SMAP1: variants seen among roughly 807,000 people sequenced by gnomAD.
SMAP1 encodes stromal membrane-associated protein 1.
SMAP1 carries 24 observed loss-of-function variants against 58.5 expected under a neutral mutation model. The observed-to-expected ratio is 0.41, with a 90% CI of 0.30 to 0.58. SMAP1 has a LOEUF of 0.58. Among genes scored for constraint, SMAP1 ranks in the 20% least tolerant of loss-of-function variants. SMAP1 has a pLI of 0.29. For missense variants in SMAP1, 563 were observed against 566.3 expected, an observed-to-expected ratio of 0.99 and a Z score of 0.06; for synonymous variants, 216 against 196.6, an observed-to-expected ratio of 1.10 and a Z score of -0.82.
intron 7 of SMAP1, among the ~76,000 whole-genome samples, chr6:70,850,876 T>A (rs1771157500): frequency 6.6e-6 from 1 of 152,086 alleles, no homozygotes; most frequent in South Asian, 2.1e-4. Flanking sequence ...GAAAACAAAG[T>A]AGCGCTTTAA....
At chr6:70,807,311 G>A (rs1769177406) in intron 6 of SMAP1, among the ~76,000 whole-genome samples, 1 of 152,130 alleles carries the variant, frequency 6.6e-6, no homozygotes, top group African/African-American at 2.4e-5. Context: ...TTTTTTCTGG[G>A]AGGAGAAAGG....
intron 4 of SMAP1, among the ~76,000 whole-genome samples, chr6:70,774,907 G>A (rs1411622260): frequency 6.6e-6 from 1 of 151,946 alleles, no homozygotes; most frequent in Non-Finnish European, 1.5e-5. Flanking sequence ...CAGCCACTTG[G>A]GAGGCTGAGG....
At chr6:70,839,796 A>G (rs937397523) in intron 7 of SMAP1, among the ~76,000 whole-genome samples, 1 of 152,214 alleles carries the variant, frequency 6.6e-6, no homozygotes, top group Non-Finnish European at 1.5e-5. Context: ...TCAATTTCCT[A>G]AACTCTTAAA....
intron 2 of SMAP1, among the ~76,000 whole-genome samples, chr6:70,744,882 G>T (rs1424780564): frequency 1.3e-5 from 2 of 152,156 alleles, no homozygotes; most frequent in South Asian, 2.1e-4. Context: ...GTGTGAGATG[G>T]TATCTCATTG....
At chr6:70,858,321 T>A in intron 10 of SMAP1, 92 bp downstream of exon 10, 1 of 1,130,462 alleles carries the variant, frequency 8.8e-7, no homozygotes, top group Non-Finnish European at 1.2e-6. Flanking sequence ...TTTTTAAGTC[T>A]AGTGATCTGG....
intron 3 of SMAP1, chr6:70,772,788 A>C (rs1170043012): frequency 1.3e-5 from 2 of 152,248 alleles, no homozygotes; most frequent in African/African-American, 4.8e-5. Context: ...GTGGAATCCT[A>C]TATGATGTGC....
intron 6 of SMAP1, among the ~76,000 whole-genome samples, chr6:70,829,867 T>G (rs1770287281): frequency 6.6e-6 from 1 of 152,176 alleles, no homozygotes; most frequent in Non-Finnish European, 1.5e-5. Context: ...GTGAATCACC[T>G]TCTAGAGGCT....
At chr6:70,835,024 C>T (rs1235084720) in intron 6 of SMAP1, among the ~76,000 whole-genome samples, 1 of 150,644 alleles carries the variant, frequency 6.6e-6, no homozygotes, top group Admixed American at 6.6e-5. Flanking sequence ...CCGAGGCTAG[C>T]GGATCATGAG....
chr6:70,696,137 C>T (rs1222885099), intron 1 of SMAP1, among the ~76,000 whole-genome samples: 2 of 151,878 alleles, frequency 1.3e-5, no homozygotes, highest in Admixed American at 1.3e-4. Context: ...TTTTTCATCT[C>T]TGATTTTATT....
At chr6:70,802,012 C>T (rs1183425512) in intron 6 of SMAP1, among the ~76,000 whole-genome samples, 3 of 152,060 alleles carry the variant, frequency 2.0e-5, no homozygotes, top group Non-Finnish European at 4.4e-5. Flanking sequence ...TTTTTTGGTT[C>T]CATATGAACT....
At chr6:70,673,601 G>T (rs1450483494) in intron 1 of SMAP1, among the ~76,000 whole-genome samples, 1 of 152,148 alleles carries the variant, frequency 6.6e-6, no homozygotes, top group Non-Finnish European at 1.5e-5. Context: ...GTTCACCTTG[G>T]GGAACTGGTG....
chr6:70,791,827 T>C, intron 5 of SMAP1, 58 bp downstream of exon 5: 1 of 1,401,200 alleles, frequency 7.1e-7, no homozygotes, highest in Non-Finnish European at 1.0e-6. Context: ...ATTAACTTCC[T>C]TTTGCAGTGT....
intron 6 of SMAP1, among the ~76,000 whole-genome samples, chr6:70,835,796 T>C (rs1236608025): frequency 6.6e-6 from 1 of 152,192 alleles, no homozygotes; most frequent in African/African-American, 2.4e-5. Context: ...TGTGAGTCAC[T>C]GCACTCAACT....
Position 70,861,842 on chromosome 6 carries a change from A to G in SMAP1, c.*1508A>G. ...GTGTAATGAATACCTTAGTGCAGTT[A>G]TTTGCTTTCGGTTCCAGTTCTTCGA... On this transcript the variant is annotated 3_prime_UTR_variant, in exon 11 of 11. Coordinates refer to ENST00000370455, the MANE Select transcript of SMAP1 (RefSeq NM_001044305.3). 1 of 1,614,036 alleles carries G rather than the reference A, an allele frequency of 6.2e-7. No homozygotes were observed.
At chr6:70,692,319 A>G (rs955936742) in intron 1 of SMAP1, among the ~76,000 whole-genome samples, 1 of 152,150 alleles carries the variant, frequency 6.6e-6, no homozygotes, top group African/African-American at 2.4e-5. Context: ...TGAGCTCATT[A>G]TATATTCTGG....
Position 70,861,178 on chromosome 6 carries a change from T to C in SMAP1, c.*844T>C, listed in dbSNP as rs183820984. On this transcript the variant is annotated 3_prime_UTR_variant, in exon 11 of 11. Coordinates refer to ENST00000370455, the MANE Select transcript of SMAP1 (RefSeq NM_001044305.3). ...ACATGACTCCATAGACCTTTTCATT[T>C]GTGGGTTTTTATTTCCTATGATGTA... 100 of 163,760 alleles carry C rather than the reference T, an allele frequency of 6.1e-4. 4 individuals carry two copies. In the East Asian group the frequency reaches 0.016, roughly 27 times the overall value. The allele number at this position is 163,760 out of a possible 1,614,324, so 10.1% of individuals were successfully genotyped here.
chr6:70,766,086 T>G (rs1025768205), intron 3 of SMAP1, among the ~76,000 whole-genome samples: 12 of 152,186 alleles, frequency 7.9e-5, no homozygotes, highest in African/African-American at 2.9e-4. Flanking sequence ...CATCATTTTT[T>G]ATGGCTGCAT....
chr6:70,790,469 A>G (rs1768300059), intron 4 of SMAP1, among the ~76,000 whole-genome samples: 1 of 152,204 alleles, frequency 6.6e-6, no homozygotes, highest in African/African-American at 2.4e-5. Context: ...ATCCAATAGG[A>G]CAAACCAGTT....
intron 4 of SMAP1, among the ~76,000 whole-genome samples, chr6:70,784,283 A>G (rs1767902232): frequency 6.6e-6 from 1 of 151,976 alleles, no homozygotes; most frequent in South Asian, 2.1e-4. Context: ...GGCCTGCCCT[A>G]AGAGAGCTCC....
Sources: allele counts gnomAD v4.1 joint callset (sites outside exome capture counted in the v4.1 genomes callset), GRCh38; gene constraint gnomAD v4.1.1; transcripts MANE v1.5; gene names NCBI Gene and HGNC (gene_info 2026-07-23, HGNC 2026-07-21).